The following RPLP2 variants were observed in gnomAD, a reference collection of about 807,000 sequenced individuals.
RPLP2 encodes large ribosomal subunit protein P2.
In RPLP2, 1 loss-of-function variant was observed where a neutral mutation model predicts 11.5. The ratio of observed to expected loss-of-function variants is 0.09; its 90% CI spans 0.03 to 0.41. The LOEUF is 0.41. Ranked by LOEUF, RPLP2 falls within the 10% of genes least tolerant of loss-of-function variation. The pLI is 0.98. For synonymous variants in RPLP2, 82 were observed against 55.9 expected, an observed-to-expected ratio of 1.47 and a Z score of -2.08; for missense variants, 177 against 145.6, an observed-to-expected ratio of 1.22 and a Z score of -1.11.
chr11:809,997 AC>A lies in RPLP2; in HGVS notation c.-43del. 1 of 426,946 alleles carries A rather than the reference AC, an allele frequency of 2.3e-6. No homozygotes were observed. The highest frequency in any genetic ancestry group is 4.0e-6 in the Non-Finnish European group (1 of 251,674). The allele number at this position is 426,946 out of a possible 1,614,324, so 26.4% of individuals were successfully genotyped here. On this transcript the variant is annotated 5_prime_UTR_variant, in exon 1 of 5. Coordinates refer to ENST00000321153, the MANE Select transcript of RPLP2 (RefSeq NM_001004.4). Reference sequence around the variant, plus strand: ...TCCTCCCTGTCGCCACCGAGGTCGCACGCGTGAGACTTCTCCGCCGCCTCCG... The same window carrying A: ...TCCTCCCTGTCGCCACCGAGGTCGCAGCGTGAGACTTCTCCGCCGCCTCCG...
At position 812,869 on chromosome 11, in the gene RPLP2, C is replaced by T; in HGVS notation, c.*33C>T. 1.2e-6 allele frequency: 2 copies of T among 1,607,206 alleles called. No individual in the cohort carries two copies. The highest frequency in any genetic ancestry group is 8.5e-7 in the Non-Finnish European group (1 of 1,175,506). On this transcript the variant is annotated 3_prime_UTR_variant, in exon 5 of 5. Transcript: ENST00000321153. Reference sequence around the variant, plus strand: ...CTCCCCTGCAAATAAAGCCTTTTTACACATCTCTCAAGTATTCCATGAGCA... The same window carrying T: ...CTCCCCTGCAAATAAAGCCTTTTTATACATCTCTCAAGTATTCCATGAGCA...
chr11:812,742 C>T lies in RPLP2; in HGVS notation c.272-18C>T. 2 of 1,611,154 alleles carry T rather than the reference C, an allele frequency of 1.2e-6. No individual in the cohort carries two copies. The highest frequency in any genetic ancestry group is 1.3e-5 in the African/African-American group (1 of 74,986). ...GGCACTTGGGCAGTGCTCACCATGCCTCTCCTCTGTTCCACAGCAGAGGAG... is the reference window on the plus strand; with the variant it reads ...GGCACTTGGGCAGTGCTCACCATGCTTCTCCTCTGTTCCACAGCAGAGGAG... On this transcript the variant is annotated intron_variant, in intron 4 of 4. Transcript: ENST00000321153.
rs369748317 is a variant in RPLP2, at chr11:812,791, G to A, written c.303G>A (p.Glu101=). 1.2e-6 allele frequency: 2 copies of A among 1,612,178 alleles called. No homozygotes were observed. Among genetic ancestry groups the A allele is most frequent in the African/African-American group, 1.3e-5 (1 of 74,882 alleles). ...AEEKKDEKKE[E]SEESDDDMGF... ...AGAAGAAAGATGAGAAGAAGGAGGAGTCTGAAGAGTCAGATGATGACATGG... is the reference window on the plus strand; with the variant it reads ...AGAAGAAAGATGAGAAGAAGGAGGAATCTGAAGAGTCAGATGATGACATGG... The change falls in exon 5 of 5, where the codon GAG becomes GAA. Residue 101 remains glutamate, a synonymous_variant. Transcript: ENST00000321153.
chr11:810,406 T>C (rs1865992896), intron 2 of RPLP2, 49 bp downstream of exon 2: 2 of 1,560,786 alleles, frequency 1.3e-6, no homozygotes, highest in African/African-American at 1.4e-5. Context: ...CAGTGTCCCA[T>C]ACAGGCGATT....
At chr11:812,442 G>C in intron 3 of RPLP2, 93 bp from the exon 4 acceptor site, 3 of 1,531,696 alleles carry the variant, frequency 2.0e-6, no homozygotes, top group Non-Finnish European at 2.7e-6. Flanking sequence ...TATGTTGGGT[G>C]CCATGTGCCA....
In RPLP2 at chr11:811,492, C is replaced by T. The variant is rs1232807543; in HGVS notation, c.124-105C>T. Reference sequence around the variant, plus strand: ...CAGTGCAGTTCTGGAAACTTCAGGGCCTATTCCCATGTGGGGAACCCAGTC... The same window carrying T: ...CAGTGCAGTTCTGGAAACTTCAGGGTCTATTCCCATGTGGGGAACCCAGTC... On this transcript the variant is annotated intron_variant, in intron 2 of 4. Coordinates refer to ENST00000321153, the MANE Select transcript of RPLP2 (RefSeq NM_001004.4). 51 of 1,384,122 alleles carry T rather than the reference C, an allele frequency of 3.7e-5. 7 individuals carry two copies. In the Middle Eastern group the frequency reaches 8.6e-3, roughly 235 times the overall value. 85.7% of individuals were successfully genotyped at this position (1,384,122 alleles called of 1,614,324 possible).
intron 2 of RPLP2, 40 bp downstream of exon 2, chr11:810,397 AG>A (rs1865992034): frequency 1.9e-6 from 3 of 1,589,580 alleles, no homozygotes; most frequent in Non-Finnish European, 2.6e-6. Flanking sequence ...GTGGGGCCCC[AG>A]TGTCCCATAC....
At chr11:811,209 C>T (rs941254420) in intron 2 of RPLP2, among the ~76,000 whole-genome samples, 2 of 152,070 alleles carry the variant, frequency 1.3e-5, no homozygotes, top group Admixed American at 6.6e-5. Flanking sequence ...TTGCTCATGC[C>T]TGTAGTCCCA....
rs764696182 is a variant in RPLP2, at chr11:810,184, A to G, written c.-1-50A>G. On this transcript the variant is annotated intron_variant, in intron 1 of 4. Coordinates refer to ENST00000321153, the MANE Select transcript of RPLP2 (RefSeq NM_001004.4). Reference sequence around the variant, plus strand: ...CCCGGCGGCCCCGGGATGGGCCGGCAGGAGGCCGCCGGGGTAACTCCGCCG... The same window carrying G: ...CCCGGCGGCCCCGGGATGGGCCGGCGGGAGGCCGCCGGGGTAACTCCGCCG... 2.6e-5 allele frequency: 37 copies of G among 1,446,860 alleles called. No individual in the cohort carries two copies. The South Asian group carries it at 4.4e-4, about 17-fold the overall frequency. The allele number at this position is 1,446,860 out of a possible 1,614,324, so 89.6% of individuals were successfully genotyped here. A position where few individuals can be genotyped will look rare whatever the true frequency, so the allele number is the denominator to read the frequency against.
intron 2 of RPLP2, among the ~76,000 whole-genome samples, chr11:811,177 A>G (rs922363737): frequency 6.6e-6 from 1 of 151,994 alleles, no homozygotes; most frequent in Admixed American, 6.6e-5. Flanking sequence ...CTAAAATACA[A>G]TAAAAAATTA....
intron 3 of RPLP2, 173 bp from the exon 4 acceptor site, chr11:812,362 C>G (rs1380218662): frequency 6.3e-6 from 5 of 787,654 alleles, no homozygotes; most frequent in Non-Finnish European, 1.0e-5. Flanking sequence ...AGAGAAGTCC[C>G]CGTTGAGGAG....
In RPLP2 at chr11:811,582, G is replaced by A. The variant is rs900991246; in HGVS notation, c.124-15G>A. 1 of 1,614,084 alleles carries A rather than the reference G, an allele frequency of 6.2e-7. No homozygotes were observed. Among genetic ancestry groups the A allele is most frequent in the Admixed American group, 1.7e-5 (1 of 59,996 alleles). Reference sequence around the variant, plus strand: ...CGTACATTCCTGGTAACAGCCCTGTGATTGTCTGCTTCAGGTTATCAGTGA... The same window carrying A: ...CGTACATTCCTGGTAACAGCCCTGTAATTGTCTGCTTCAGGTTATCAGTGA... On this transcript the variant is annotated splice_polypyrimidine_tract_variant and intron_variant, in intron 2 of 4. Transcript: ENST00000321153.
chr11:812,619 C>T lies in RPLP2; in HGVS notation c.257C>T (p.Ser86Phe), dbSNP rs772217017. ...APGSAAPAAG[S>F]APAAAEEKKD... is the part of the protein sequence containing the mutation. Reference sequence around the variant, plus strand: ...GGCTCTGCAGCCCCTGCTGCTGGTTCTGCCCCTGCTGCAGGTAAGTGGTGG... The same window carrying T: ...GGCTCTGCAGCCCCTGCTGCTGGTTTTGCCCCTGCTGCAGGTAAGTGGTGG... The change falls in exon 4 of 5, where the codon TCT (serine) becomes TTT (phenylalanine). Residue 86 changes from serine to phenylalanine, a missense_variant. Coordinates refer to ENST00000321153, the MANE Select transcript of RPLP2 (RefSeq NM_001004.4). The T allele has an allele frequency of 6.2e-7, 1 of 1,609,960 alleles. No homozygotes were observed.
intron 3 of RPLP2, chr11:812,247 A>C (rs1351508698): frequency 2.0e-6 from 1 of 490,684 alleles, no homozygotes; most frequent in Admixed American, 3.3e-5. Context: ...AGTTATGAAC[A>C]TGTCTGTCCA....
At position 810,004 on chromosome 11, in the gene RPLP2, A is replaced by G; in HGVS notation, c.-37A>G. ...TGTCGCCACCGAGGTCGCACGCGTG[A>G]GACTTCTCCGCCGCCTCCGCCGCAG... is the stretch of plus-strand genomic sequence containing the variant. On this transcript the variant is annotated 5_prime_UTR_variant, in exon 1 of 5. Transcript: ENST00000321153. The G allele has an allele frequency of 2.3e-6, 1 of 438,754 alleles. No homozygotes were observed. The highest frequency in any genetic ancestry group is 4.8e-5 in the Admixed American group (1 of 20,946). The allele number at this position is 438,754 out of a possible 1,614,324, so 27.2% of individuals were successfully genotyped here.
chr11:812,708 G>C lies in RPLP2; in HGVS notation c.272-52G>C. 8 of 1,613,174 alleles carry C rather than the reference G, an allele frequency of 5.0e-6. No homozygotes were observed. The South Asian group carries it at 7.7e-5, about 16-fold the overall frequency. On this transcript the variant is annotated intron_variant, in intron 4 of 4. Transcript: ENST00000321153. ...TGCTGCAGTGGGGTCTTCATGGGGG[G>C]ACTGGCCTGGCACTTGGGCAGTGCT...
intron 3 of RPLP2, chr11:812,032 C>T: frequency 2.4e-6 from 1 of 410,694 alleles, no homozygotes; most frequent in South Asian, 2.1e-5. Context: ...TCCATAGGCT[C>T]CTTGCCTCTT....
rs1219075444 is a variant in RPLP2 at position 810,248 on chromosome 11, C to T, written c.14C>T (p.Ala5Val). The T allele has an allele frequency of 5.0e-6, 8 of 1,589,844 alleles. 1 individual carries two copies. In the Admixed American group the frequency reaches 5.2e-5, roughly 10 times the overall value. Residue 5 changes from alanine (A) to valine (V), a missense_variant, in exon 2 of 5, where the codon GCC becomes GTC. Coordinates refer to ENST00000321153, the MANE Select transcript of RPLP2 (RefSeq NM_001004.4). MRYV[A>V]SYLLAALGGN... ...GCCCGCCTCAGGATGCGCTACGTCG[C>T]CTCCTACCTGCTGGCTGCCCTAGGG...
At chr11:810,910 G>A (rs1462032829) in intron 2 of RPLP2, among the ~76,000 whole-genome samples, 2 of 149,462 alleles carry the variant, frequency 1.3e-5, no homozygotes, top group Non-Finnish European at 3.0e-5. Context: ...CAGTCCTGGC[G>A]CATGGCTCAC....
Sources: gnomAD v4.1 joint callset for allele counts (sites outside exome capture counted in the v4.1 genomes callset) on GRCh38, gnomAD v4.1.1 for gene constraint, MANE v1.5 for transcripts, NCBI Gene and HGNC (gene_info 2026-07-23, HGNC 2026-07-21) for gene names.